The following PLCB3 variants were observed in gnomAD, a reference collection of about 807,000 sequenced individuals.
PLCB3 encodes the protein phospholipase C beta 3, also known as 1-phosphatidylinositol 4,5-bisphosphate phosphodiesterase beta-3.
In PLCB3, 54 loss-of-function variants were observed where a neutral mutation model predicts 152.1. The ratio of observed to expected loss-of-function variants is 0.36; its 90% CI spans 0.29 to 0.45. PLCB3 has a LOEUF of 0.45. PLCB3 is among the 20% of genes least tolerant of loss of function. PLCB3 has a pLI of 1.00. For synonymous variants in PLCB3, 717 were observed against 698.7 expected, an observed-to-expected ratio of 1.03 and a Z score of -0.41; for missense variants, 1,248 against 1,687.5, an observed-to-expected ratio of 0.74 and a Z score of 4.56.
In PLCB3 at chr11:64,260,146, A is replaced by G. The variant is rs769830266; in HGVS notation, c.1643A>G (p.Tyr548Cys). 116 of 1,610,572 alleles carry G rather than the reference A, an allele frequency of 7.2e-5. No individual in the cohort carries two copies. Among genetic ancestry groups the G allele is most frequent in the Admixed American group, 3.1e-4 (18 of 58,998 alleles). ...LGDEGLNRGP[Y>C]VLGPADREDE... Reference sequence around the variant, plus strand: ...GACGAGGGCCTGAACCGAGGCCCCTATGTTCTTGGACCTGCTGACCGTGAG... The same window carrying G: ...GACGAGGGCCTGAACCGAGGCCCCTGTGTTCTTGGACCTGCTGACCGTGAG... Residue 548 changes from tyrosine (Y) to cysteine (C), a missense_variant, in exon 14 of 31, where the codon TAT becomes TGT. By Grantham distance (194) the Tyr-to-Cys change is radical. Coordinates refer to ENST00000279230, the MANE Select transcript of PLCB3 (RefSeq NM_000932.5).
intron 10 of PLCB3, among the ~76,000 whole-genome samples, chr11:64,257,108 G>T (rs763921745): frequency 3.0e-4 from 44 of 147,784 alleles, no homozygotes; most frequent in Non-Finnish European, 5.8e-4. Flanking sequence ...AGGTTCAAGC[G>T]ATTCTCCTGC....
rs759679970 is a variant in PLCB3, at chr11:64,254,774, C to T, written c.204C>T (p.Ser68=). ...AGGTGGACACACTGGACATCAGTTC[C>T]ATCAGGGACACACGGACAGGCCGGT... is the stretch of plus-strand genomic sequence containing the variant. ...NMEVDTLDIS[S]IRDTRTGRYA... The change falls in exon 3 of 31, where the codon TCC becomes TCT. Residue 68 remains serine (S), a synonymous_variant. Transcript: ENST00000279230. 3 of 1,613,482 alleles carry T rather than the reference C, an allele frequency of 1.9e-6. No individual in the cohort carries two copies. Among genetic ancestry groups the T allele is most frequent in the Admixed American group, 3.3e-5 (2 of 60,026 alleles).
Position 64,255,544 on chromosome 11 carries a change from C to A in PLCB3, c.525C>A (p.Ile175=), listed in dbSNP as rs182686241. ...NQDGRIPVKN[I]LKMFSADKKR... ...GAACCCCTCCTGCCCGCATCAGCAT[C>A]CTGAAGATGTTCTCAGCAGACAAGA... The change falls in exon 7 of 31, where the codon ATC becomes ATA. Residue 175 remains isoleucine (I), a synonymous_variant. Transcript: ENST00000279230. The surrounding 1 kb of genome is among the most constrained non-coding windows in gnomAD (Gnocchi z 6.8). 7.4e-6 allele frequency: 12 copies of A among 1,614,114 alleles called. No homozygotes were observed. In the Admixed American group the frequency reaches 1.3e-4, roughly 18 times the overall value.
Position 64,258,427 on chromosome 11 carries a change from A to T in PLCB3, c.1013-46A>T. On this transcript the variant is annotated intron_variant, in intron 10 of 30. Coordinates refer to ENST00000279230, the MANE Select transcript of PLCB3 (RefSeq NM_000932.5). This position sits in a 1 kb window ranked among gnomAD's most constrained non-coding sequence, Gnocchi z 7.2. ...TCCAGGTGGGGCCGGGGTGGTGAGG[A>T]GCTGGGCTGGTGGGCGGCCTCGGTG... is the stretch of plus-strand genomic sequence containing the variant. The T allele has an allele frequency of 6.3e-7, 1 of 1,597,398 alleles. No homozygotes were observed.
At chr11:64,264,872 G>A in intron 22 of PLCB3, 79 bp from the exon 23 acceptor site, 1 of 1,417,994 alleles carries the variant, frequency 7.1e-7, no homozygotes, top group Non-Finnish European at 1.0e-6. Flanking sequence ...GGTGCTAGGG[G>A]ACCCAGGAGG....
intron 13 of PLCB3, among the ~76,000 whole-genome samples, chr11:64,259,606 A>G (rs971315080): frequency 1.3e-5 from 2 of 152,024 alleles, no homozygotes; most frequent in African/African-American, 4.8e-5. Flanking sequence ...TCACCTGCCC[A>G]GTTGGTTATC....
At position 64,258,423 on chromosome 11, in the gene PLCB3, G is replaced by A; in HGVS notation, c.1013-50G>A. 6.3e-7 allele frequency: 1 copy of A among 1,592,586 alleles called. No homozygotes were observed. Among genetic ancestry groups the A allele is most frequent in the South Asian group, 1.1e-5 (1 of 89,502 alleles). ...TGGTTCCAGGTGGGGCCGGGGTGGTGAGGAGCTGGGCTGGTGGGCGGCCTC... is the reference window on the plus strand; with the variant it reads ...TGGTTCCAGGTGGGGCCGGGGTGGTAAGGAGCTGGGCTGGTGGGCGGCCTC... On this transcript the variant is annotated intron_variant, in intron 10 of 30. Transcript: ENST00000279230. This position sits in a 1 kb window ranked among gnomAD's most constrained non-coding sequence, Gnocchi z 7.2.
At chr11:64,253,493 C>T (rs749321233) in intron 1 of PLCB3, among the ~76,000 whole-genome samples, 4 of 152,196 alleles carry the variant, frequency 2.6e-5, no homozygotes, top group Non-Finnish European at 5.9e-5. Context: ...GTATTGTCCA[C>T]CAGACACTGA....
rs766658644 is a variant in PLCB3, at chr11:64,261,985, C to G, written c.1947C>G (p.Pro649=). The part of the protein sequence containing the change: ...YNKQQLSRIY[P]KGTRVDSSNY... The stretch of plus-strand genomic sequence containing the variant: ...AGCAGCAGCTCAGCCGCATCTACCC[C>G]AAGGGCACCCGCGTGGACTCCTCCA... The change falls in exon 17 of 31, where the codon CCC becomes CCG. Residue 649 remains proline (P), a synonymous_variant. Transcript: ENST00000279230. The G allele has an allele frequency of 2.2e-5, 35 of 1,614,190 alleles. No individual in the cohort carries two copies. In the East Asian group the frequency reaches 7.1e-4, roughly 33 times the overall value.
Position 64,262,739 on chromosome 11 carries a change from C to T in PLCB3, c.2286C>T (p.Tyr762=). ...FGLPVDTRRK[Y]RTRTSQGNSF... is the part of the protein sequence containing the mutation. Reference sequence around the variant, plus strand: ...TCCCTGTTGATACGCGGCGCAAGTACCGCACCCGGACCTCTCAGGGGAACT... The same window carrying T: ...TCCCTGTTGATACGCGGCGCAAGTATCGCACCCGGACCTCTCAGGGGAACT... The change falls in exon 19 of 31, where the codon TAC becomes TAT. Residue 762 remains tyrosine, a synonymous_variant. Transcript: ENST00000279230. 1.2e-6 allele frequency: 2 copies of T among 1,613,864 alleles called. No homozygotes were observed. Among genetic ancestry groups the T allele is most frequent in the South Asian group, 1.1e-5 (1 of 91,082 alleles).
intron 1 of PLCB3, among the ~76,000 whole-genome samples, chr11:64,252,977 T>A (rs957281257): frequency 6.6e-6 from 1 of 152,132 alleles, no homozygotes. Flanking sequence ...AGGGTAGGGT[T>A]GGGAATCCGG....
intron 22 of PLCB3, 110 bp from the exon 23 acceptor site, chr11:64,264,841 G>A (rs1318056948): frequency 2.0e-6 from 2 of 993,482 alleles, no homozygotes; most frequent in African/African-American, 1.6e-5. Flanking sequence ...GCAGTGGCTT[G>A]GACTAAGGGA....
intron 1 of PLCB3, among the ~76,000 whole-genome samples, chr11:64,252,128 G>A (rs746103087): frequency 1.3e-5 from 2 of 152,074 alleles, no homozygotes; most frequent in African/African-American, 4.8e-5. Flanking sequence ...CTGACTTCCA[G>A]GCTGGCTGGG....
chr11:64,267,804 C>A lies in PLCB3; in HGVS notation c.*248C>A. Reference sequence around the variant, plus strand: ...GACACCCACACCCTCGAGCTAGCAGCGTCTCCTCCCTTCCCCGGGAGAGCT... The same window carrying A: ...GACACCCACACCCTCGAGCTAGCAGAGTCTCCTCCCTTCCCCGGGAGAGCT... On this transcript the variant is annotated 3_prime_UTR_variant, in exon 31 of 31. Transcript: ENST00000279230. The surrounding 1 kb of genome is among the most constrained non-coding windows in gnomAD (Gnocchi z 5.2). 2.2e-6 allele frequency: 1 copy of A among 455,170 alleles called. No homozygotes were observed. Among genetic ancestry groups the A allele is most frequent in the Non-Finnish European group, 3.9e-6 (1 of 257,580 alleles). The allele number at this position is 455,170 out of a possible 1,614,324, so 28.2% of individuals were successfully genotyped here. A position where few individuals can be genotyped will look rare whatever the true frequency, so the allele number is the denominator to read the frequency against.
At chr11:64,252,076 C>T (rs2031239127) in intron 1 of PLCB3, among the ~76,000 whole-genome samples, 1 of 152,146 alleles carries the variant, frequency 6.6e-6, no homozygotes, top group Non-Finnish European at 1.5e-5. Flanking sequence ...TGGCCTGGTG[C>T]CCAGACCCCT....
rs77685501 is a variant in PLCB3 at position 64,259,306 on chromosome 11, C to G, written c.1525+62C>G. On this transcript the variant is annotated intron_variant, in intron 13 of 30. Coordinates refer to ENST00000279230, the MANE Select transcript of PLCB3 (RefSeq NM_000932.5). Reference sequence around the variant, plus strand: ...CTAGCCTCTGGCCTCATGCTCCAGGCGCCGTGACACTTCATCCCAGACCCC... The same window carrying G: ...CTAGCCTCTGGCCTCATGCTCCAGGGGCCGTGACACTTCATCCCAGACCCC... The G allele has an allele frequency of 4.4e-5, 57 of 1,295,554 alleles. 3 individuals are homozygous for G. The Admixed American group carries it at 1.6e-3, about 36-fold the overall frequency. 80.3% of individuals were successfully genotyped at this position (1,295,554 alleles called of 1,614,324 possible). A position where few individuals can be genotyped will look rare whatever the true frequency, so the allele number is the denominator to read the frequency against.
rs749600774 is a variant in PLCB3 at position 64,262,580 on chromosome 11, T to G, written c.2193+19T>G. On this transcript the variant is annotated intron_variant, in intron 18 of 30. Coordinates refer to ENST00000279230, the MANE Select transcript of PLCB3 (RefSeq NM_000932.5). ...GGTCAAGGTGGGGCTTGCGGGCGGCTCAGGCCAGGGGTGTCCTGGGGGCAG... is the reference window on the plus strand; with the variant it reads ...GGTCAAGGTGGGGCTTGCGGGCGGCGCAGGCCAGGGGTGTCCTGGGGGCAG... 6.2e-7 allele frequency: 1 copy of G among 1,612,630 alleles called. No homozygotes were observed.
At position 64,267,793 on chromosome 11, in the gene PLCB3, C is replaced by T. The variant is rs117423477; in HGVS notation, c.*237C>T. On this transcript the variant is annotated 3_prime_UTR_variant, in exon 31 of 31. Transcript: ENST00000279230. This position sits in a 1 kb window ranked among gnomAD's most constrained non-coding sequence, Gnocchi z 5.2. ...TTGCTCCCTGTGACACCCACACCCT[C>T]GAGCTAGCAGCGTCTCCTCCCTTCC... 15 of 483,886 alleles carry T rather than the reference C, an allele frequency of 3.1e-5. No homozygotes were observed. Among genetic ancestry groups the T allele is most frequent in the Admixed American group, 1.1e-4 (3 of 26,232 alleles). 30.0% of individuals were successfully genotyped at this position (483,886 alleles called of 1,614,324 possible). A position where few individuals can be genotyped will look rare whatever the true frequency, so the allele number is the denominator to read the frequency against.
Position 64,255,798 on chromosome 11 carries a change from C to A in PLCB3, c.675C>A (p.Asp225Glu). 1 of 1,613,650 alleles carries A rather than the reference C, an allele frequency of 6.2e-7. No individual in the cohort carries two copies. Among genetic ancestry groups the A allele is most frequent in the Non-Finnish European group, 8.5e-7 (1 of 1,179,564 alleles). Residue 225 changes from aspartate (D) to glutamate (E), a missense_variant, in exon 8 of 31, where the codon GAC becomes GAA. By Grantham distance (45) the Asp-to-Glu change is conservative. Around this residue, in one of 6 missense-constraint regions of PLCB3, gnomAD observed 299 missense variants for 434.7 expected, o/e 0.69. Coordinates refer to ENST00000279230, the MANE Select transcript of PLCB3 (RefSeq NM_000932.5). The surrounding 1 kb of genome is among the most constrained non-coding windows in gnomAD (Gnocchi z 6.8). ...TGAACAAGCTGTGTCTGCGGCCGGA[C>A]ATTGACAAGATCCTGCTGGAGATGT... ...RFLNKLCLRP[D>E]IDKILLEIGA...
Sources: gnomAD v4.1 joint callset for allele counts (sites outside exome capture counted in the v4.1 genomes callset) on GRCh38, gnomAD v4.1.1 for gene constraint, gnomAD v4.1.1 regional missense constraint, Gnocchi (gnomAD v3.1) non-coding constraint, MANE v1.5 for transcripts, NCBI Gene and HGNC (gene_info 2026-07-23, HGNC 2026-07-21) for gene names.